Variants in KCNAB1 observed in about 807,000 individuals in gnomAD.
KCNAB1 encodes voltage-gated potassium channel subunit beta-1.
In KCNAB1, 35 loss-of-function variants were observed where a neutral mutation model predicts 64.6. The ratio of observed to expected loss-of-function variants is 0.54; its 90% CI spans 0.41 to 0.72. The LOEUF is 0.72. Among genes scored for constraint, KCNAB1 ranks in the 30% least tolerant of loss-of-function variants. The probability of loss-of-function intolerance (pLI) is 0.00; values close to 1 mark genes in which losing one functional copy is unlikely to be tolerated. For synonymous variants in KCNAB1, 177 were observed against 183.8 expected (o/e 0.96, Z 0.30); for missense variants, 401 against 512.9 (o/e 0.78, Z 2.11).
At chr3:156,252,445 A>G (rs529255541) in intron 1 of KCNAB1, among the ~76,000 whole-genome samples, 1 of 152,308 alleles carries the variant, frequency 6.6e-6, no homozygotes, top group East Asian at 1.9e-4. Flanking sequence ...GCCTGAATCT[A>G]CAGGAGAAAG....
rs77341174 is a variant in KCNAB1, at chr3:156,422,619, C to T, written c.319+960C>T. 6.2e-3 allele frequency among the ~76,000 whole-genome samples: 950 copies of T among 152,216 alleles called. 11 individuals carry two copies. Among genetic ancestry groups the T allele is most frequent in the African/African-American group, 0.022 (919 of 41,508 alleles). ...TTGGGACATACTAAGTTTGAGATAT[C>T]GATTAGGCCTGCAATAAAAATTGTC... On this transcript the variant is annotated intron_variant, in intron 2 of 13. Coordinates refer to ENST00000490337, the MANE Select transcript of KCNAB1 (RefSeq NM_172160.3).
intron 1 of KCNAB1, among the ~76,000 whole-genome samples, chr3:156,212,603 G>T (rs1401687986): frequency 1.3e-5 from 2 of 152,178 alleles, no homozygotes; most frequent in African/African-American, 2.4e-5. Flanking sequence ...CCACTACCAG[G>T]TGGCAAAGGA....
intron 1 of KCNAB1, among the ~76,000 whole-genome samples, chr3:156,224,279 G>A (rs13084675): frequency 0.11 from 17,192 of 152,264 alleles, 1,227 homozygotes; most frequent in Non-Finnish European, 0.16. Flanking sequence ...AGCACCGCAC[G>A]CAGCCCCGGT....
intron 1 of KCNAB1, among the ~76,000 whole-genome samples, chr3:156,174,045 T>C (rs1330525042): frequency 2.0e-5 from 3 of 152,200 alleles, no homozygotes; most frequent in African/African-American, 7.2e-5. Context: ...TTCCTGAGTC[T>C]CCAGCTTGCA....
At chr3:156,346,734 A>T (rs952755589) in intron 1 of KCNAB1, among the ~76,000 whole-genome samples, 1 of 152,244 alleles carries the variant, frequency 6.6e-6, no homozygotes, top group African/African-American at 2.4e-5. Context: ...AATCATAAAA[A>T]ATTAAGTAGT....
At chr3:156,246,328 A>G (rs980468719) in intron 1 of KCNAB1, among the ~76,000 whole-genome samples, 6 of 152,162 alleles carry the variant, frequency 3.9e-5, no homozygotes, top group Admixed American at 1.3e-4. Context: ...AACATAGGCC[A>G]GGCGCGGTGG....
intron 1 of KCNAB1, among the ~76,000 whole-genome samples, chr3:156,421,294 A>G (rs1715449259): frequency 6.6e-6 from 1 of 152,198 alleles, no homozygotes; most frequent in African/African-American, 2.4e-5. Flanking sequence ...AAAGAAGTTT[A>G]CCCTCAAGAA....
chr3:156,212,462 A>G (rs1227734467), intron 1 of KCNAB1, among the ~76,000 whole-genome samples: 1 of 152,222 alleles, frequency 6.6e-6, no homozygotes, highest in Non-Finnish European at 1.5e-5. Flanking sequence ...TACTATGTGC[A>G]GGCTGTGGGC....
rs767109336 is a variant in KCNAB1, at chr3:156,120,841, T to C, written c.230T>C (p.Leu77Pro). 2 of 1,614,086 alleles carry C rather than the reference T, an allele frequency of 1.2e-6. No homozygotes were observed. The highest frequency in any genetic ancestry group is 8.5e-7 in the Non-Finnish European group (1 of 1,180,042). The stretch of plus-strand genomic sequence containing the variant: ...AACTGGTACCTAAAGCTCTGCGACC[T>C]GTCCAGCGAGCACACCACCGTCTGC... ...EMNWYLKLCDLSSEHTTVCTT... is the reference protein window; with the variant it reads ...EMNWYLKLCDPSSEHTTVCTT... The change falls in exon 1 of 14, where the codon CTG becomes CCG. Residue 77 changes from leucine (L) to proline (P), a missense_variant. Coordinates refer to ENST00000490337, the MANE Select transcript of KCNAB1 (RefSeq NM_172160.3).
chr3:156,233,500 G>A (rs1716657502), intron 1 of KCNAB1, among the ~76,000 whole-genome samples: 1 of 152,192 alleles, frequency 6.6e-6, no homozygotes, highest in East Asian at 1.9e-4. Context: ...CACGAATGGA[G>A]TGATAGAGGC....
At chr3:156,525,184 A>T (rs1308207337) in intron 12 of KCNAB1, among the ~76,000 whole-genome samples, 1 of 152,122 alleles carries the variant, frequency 6.6e-6, no homozygotes, top group African/African-American at 2.4e-5. Context: ...AAACAGCCTT[A>T]TGCAGGCCCT....
At chr3:156,456,958 G>C (rs1712483385) in intron 3 of KCNAB1, 1 of 154,060 alleles carries the variant, frequency 6.5e-6, no homozygotes, top group Admixed American at 6.5e-5. Context: ...AATGGCGCCT[G>C]AGATTTTGCT....
intron 12 of KCNAB1, among the ~76,000 whole-genome samples, chr3:156,529,765 C>T: frequency 6.6e-6 from 1 of 152,214 alleles, no homozygotes; most frequent in East Asian, 1.9e-4. Context: ...TTAAAGAGTA[C>T]TCCCAGGTTT....
intron 2 of KCNAB1, among the ~76,000 whole-genome samples, chr3:156,427,380 A>G (rs963916322): frequency 6.6e-6 from 1 of 152,280 alleles, no homozygotes; most frequent in Non-Finnish European, 1.5e-5. Context: ...GAAACACAGA[A>G]GACTGAGGTG....
chr3:156,502,895 G>GGTTT (rs1487393684), intron 8 of KCNAB1, among the ~76,000 whole-genome samples: 3 of 152,074 alleles, frequency 2.0e-5, no homozygotes, highest in African/African-American at 2.4e-5. Context: ...AGTTCACTTA[G>GGTTT]GTTTGTTTGT....
At position 156,537,927 on chromosome 3, in the gene KCNAB1, A is replaced by AAAG. The variant is rs1719168365; in HGVS notation, c.*1183_*1185dup. 1 of 152,148 alleles carries AAAG rather than the reference A, an allele frequency of 6.6e-6. No individual in the cohort carries two copies. The highest frequency in any genetic ancestry group is 1.5e-5 in the Non-Finnish European group (1 of 67,950). The allele number at this position is 152,148 out of a possible 1,614,324, so 9.4% of individuals were successfully genotyped here. On this transcript the variant is annotated 3_prime_UTR_variant, in exon 14 of 14. Coordinates refer to ENST00000490337, the MANE Select transcript of KCNAB1 (RefSeq NM_172160.3). Reference sequence around the variant, plus strand: ...CTTGCCTAGTGAAAAGCAAAATGTTAAAGAAAGAACTTCTGGTTCTATAAT... The same window carrying AAAG: ...CTTGCCTAGTGAAAAGCAAAATGTTAAAGAAGAAAGAACTTCTGGTTCTATAAT...
chr3:156,244,242 T>C (rs1717330369), intron 1 of KCNAB1, among the ~76,000 whole-genome samples: 1 of 152,218 alleles, frequency 6.6e-6, no homozygotes, highest in Admixed American at 6.5e-5. Context: ...TAAGGTCACG[T>C]CCATTTCTTT....
downstream of KCNAB1, chr3:156,538,848 T>C (rs760584978): frequency 2.6e-5 from 4 of 152,220 alleles, no homozygotes; most frequent in Non-Finnish European, 4.4e-5. Flanking sequence ...CTACTGAAGA[T>C]ACCATTTCTC....
At chr3:156,359,972 A>T (rs528264621) in intron 1 of KCNAB1, among the ~76,000 whole-genome samples, 58 of 152,334 alleles carry the variant, frequency 3.8e-4, no homozygotes, top group Admixed American at 9.1e-4. Flanking sequence ...ATTTCTTCAC[A>T]TGTGAATGAG....
Sources: gnomAD v4.1 joint callset for allele counts (sites outside exome capture counted in the v4.1 genomes callset) on GRCh38, gnomAD v4.1.1 for gene constraint, MANE v1.5 for transcripts, NCBI Gene and HGNC (gene_info 2026-07-23, HGNC 2026-07-21) for gene names.